MAP4K3: variants seen among roughly 807,000 people sequenced by gnomAD.
MAP4K3 encodes the protein MAPK/ERK kinase kinase kinase 3.
Under a neutral mutation model 143.5 loss-of-function variants are expected in MAP4K3, and 94 were observed. The observed-to-expected ratio is 0.65, with a 90% confidence interval of 0.55 to 0.78. The LOEUF is 0.78. MAP4K3 is among the 30% of genes least tolerant of loss of function. MAP4K3 has a pLI of 0.00. For missense variants in MAP4K3, 1,077 were observed against 1,068.1 expected (o/e 1.01, Z -0.12); for synonymous variants, 416 against 347.2 (o/e 1.20, Z -2.20).
intron 1 of MAP4K3, among the ~76,000 whole-genome samples, chr2:39,385,551 CATATATAT>C (rs140387430): frequency 0.011 from 1,223 of 111,182 alleles, 20 homozygotes; most frequent in Middle Eastern, 0.028. Flanking sequence ...GAGCGTTCTT[CATATATAT>C]ATATATATAT....
intron 27 of MAP4K3, 28 bp downstream of exon 27, chr2:39,267,161 G>C: frequency 1.9e-6 from 3 of 1,608,782 alleles, no homozygotes; most frequent in Non-Finnish European, 2.6e-6. Flanking sequence ...GTCTCAGAGA[G>C]CTATATGCTA....
chr2:39,321,932 G>A (rs953289550), intron 12 of MAP4K3, among the ~76,000 whole-genome samples: 10 of 152,164 alleles, frequency 6.6e-5, no homozygotes, highest in Non-Finnish European at 1.2e-4. Flanking sequence ...TCCCCCTCTC[G>A]GGGAAACACC....
At position 39,436,876 on chromosome 2, in the gene MAP4K3, C is replaced by T. The variant is rs367657460; in HGVS notation, c.96+16G>A. 25 of 1,584,932 alleles carry T rather than the reference C, an allele frequency of 1.6e-5. No homozygotes were observed. The highest frequency in any genetic ancestry group is 2.4e-5 in the East Asian group (1 of 42,454). On this transcript the variant is annotated intron_variant, in intron 1 of 33. Transcript: ENST00000263881. ...GGGATCCCACGGCCTCGGCGGCGCG[C>T]GGCCCCTGCCTTTACCTTGTAGACG...
rs1682778461 is a variant in MAP4K3 at position 39,307,990 on chromosome 2, A to C, written c.1072T>G (p.Phe358Val). Residue 358 changes from phenylalanine (F) to valine (V), a missense_variant, in exon 15 of 34, where the codon TTT (phenylalanine) becomes GTT (valine). Phe to Val is a conservative substitution (Grantham distance 50, BLOSUM62 -1). This residue lies in a region of MAP4K3 where 864 missense variants were observed against 801.2 expected (regional missense o/e 1.08). Transcript: ENST00000263881. ...TATATTTCTTCTGAACTGTCCAAAA[A>C]ACCATCACTGTCGGGCTGTTTAGCA... Reference protein sequence around the residue: ...PHHELPDSDGFLDSSEEIYYT... With the variant: ...PHHELPDSDGVLDSSEEIYYT... 1 of 1,600,016 alleles carries C rather than the reference A, an allele frequency of 6.2e-7. No homozygotes were observed. The highest frequency in any genetic ancestry group is 1.3e-5 in the African/African-American group (1 of 74,148).
At chr2:39,341,272 C>T (rs1447372970) in intron 4 of MAP4K3, among the ~76,000 whole-genome samples, 2 of 152,140 alleles carry the variant, frequency 1.3e-5, no homozygotes, top group African/African-American at 4.8e-5. Flanking sequence ...AAATACCTGT[C>T]AACCTAGAAA....
rs542555241 is a variant in MAP4K3, at chr2:39,285,344, A to G, written c.1587+1508T>C. On this transcript the variant is annotated intron_variant, in intron 21 of 33. Coordinates refer to ENST00000263881, the MANE Select transcript of MAP4K3 (RefSeq NM_003618.4). Reference sequence around the variant, plus strand: ...AACAGAAAAAGTGAACTAAAAATGCATACATAAAAAATGTTTACTTAGTAC... The same window carrying G: ...AACAGAAAAAGTGAACTAAAAATGCGTACATAAAAAATGTTTACTTAGTAC... Among the ~76,000 whole-genome samples, 9 of 152,344 alleles carry G rather than the reference A, an allele frequency of 5.9e-5. No individual in the cohort carries two copies. The East Asian group carries it at 1.7e-3, about 29-fold the overall frequency.
Position 39,317,131 on chromosome 2 carries a change from C to T in MAP4K3, c.919-1743G>A, listed in dbSNP as rs550841362. 1.5e-4 allele frequency among the ~76,000 whole-genome samples: 23 copies of T among 151,998 alleles called. No individual in the cohort carries two copies. The East Asian group carries it at 3.3e-3, about 22-fold the overall frequency. On this transcript the variant is annotated intron_variant, in intron 12 of 33. Transcript: ENST00000263881. ...CATACATCTACAACCATCTGATCTT[C>T]GACAAACCTGACAAAAAGAAGCAAT...
Position 39,387,677 on chromosome 2 carries a change from C to T in MAP4K3, c.97-9554G>A, listed in dbSNP as rs534635351. ...CAATGAAGAGACAATCAATAAAGAG[C>T]AAATAACCCAACAGATGGACAGAAA... is the stretch of plus-strand genomic sequence containing the variant. On this transcript the variant is annotated intron_variant, in intron 1 of 33. Transcript: ENST00000263881. 1.2e-4 allele frequency among the ~76,000 whole-genome samples: 18 copies of T among 152,228 alleles called. No individual in the cohort carries two copies. In the East Asian group the frequency reaches 3.5e-3, roughly 29 times the overall value.
In MAP4K3 at chr2:39,252,849, C is replaced by G. The variant is rs528744522; in HGVS notation, c.2542-964G>C. ...GCTCACTTCAATGCCTGTGGCTCATCATGACTGTGATTACCAATATATTTT... is the reference window on the plus strand; with the variant it reads ...GCTCACTTCAATGCCTGTGGCTCATGATGACTGTGATTACCAATATATTTT... On this transcript the variant is annotated intron_variant, in intron 32 of 33. Coordinates refer to ENST00000263881, the MANE Select transcript of MAP4K3 (RefSeq NM_003618.4). Among the ~76,000 whole-genome samples the G allele has an allele frequency of 7.2e-5, 11 of 152,346 alleles. No individual in the cohort carries two copies. In the East Asian group the frequency reaches 7.7e-4, roughly 11 times the overall value.
chr2:39,427,470 AAAC>A (rs1274690793), intron 1 of MAP4K3, among the ~76,000 whole-genome samples: 5 of 152,124 alleles, frequency 3.3e-5, no homozygotes, highest in African/African-American at 1.2e-4. Context: ...TGTCTGTATA[AAAC>A]AATAATAAAA....
intron 13 of MAP4K3, among the ~76,000 whole-genome samples, chr2:39,314,180 T>C (rs1322002057): frequency 6.6e-6 from 1 of 151,972 alleles, no homozygotes; most frequent in African/African-American, 2.4e-5. Context: ...CAGGTGCACA[T>C]CAACATGCCT....
intron 6 of MAP4K3, among the ~76,000 whole-genome samples, 174 bp downstream of exon 6, chr2:39,336,746 A>G (rs1664980233): frequency 6.6e-6 from 1 of 152,088 alleles, no homozygotes; most frequent in Non-Finnish European, 1.5e-5. Flanking sequence ...ATGGTATGTG[A>G]ATTGTGCCTC....
At position 39,355,303 on chromosome 2, in the gene MAP4K3, G is replaced by A. The variant is rs192781693; in HGVS notation, c.245+946C>T. 3.3e-3 allele frequency among the ~76,000 whole-genome samples: 486 copies of A among 147,740 alleles called. 2 individuals are homozygous for A. The highest frequency in any genetic ancestry group is 5.2e-3 in the Non-Finnish European group (349 of 67,112). Reference sequence around the variant, plus strand: ...TTGAACCCGGGAGGTGGAAGGTGCGGTGAGCCGAGATCACACCACTGCACT... The same window carrying A: ...TTGAACCCGGGAGGTGGAAGGTGCGATGAGCCGAGATCACACCACTGCACT... On this transcript the variant is annotated intron_variant, in intron 3 of 33. Coordinates refer to ENST00000263881, the MANE Select transcript of MAP4K3 (RefSeq NM_003618.4).
At chr2:39,362,644 T>C (rs1343379031) in intron 2 of MAP4K3, among the ~76,000 whole-genome samples, 1 of 152,202 alleles carries the variant, frequency 6.6e-6, no homozygotes, top group Non-Finnish European at 1.5e-5. Flanking sequence ...ACAAATTCAA[T>C]GTAATCTGGA....
At chr2:39,315,446 C>A in intron 12 of MAP4K3, 58 bp from the exon 13 acceptor site, 1 of 1,170,386 alleles carries the variant, frequency 8.5e-7, no homozygotes, top group Non-Finnish European at 1.2e-6. Context: ...ATAGTTTGGT[C>A]CACAAAATTA....
chr2:39,260,512 T>C lies in MAP4K3; in HGVS notation c.2308+94A>G, dbSNP rs1236027195. ...TAATAGTTATTGAAGACTGGCAGTATATGCAGTTTTTCCTTAGTAAGAGAT... is the reference window on the plus strand; with the variant it reads ...TAATAGTTATTGAAGACTGGCAGTACATGCAGTTTTTCCTTAGTAAGAGAT... On this transcript the variant is annotated intron_variant, in intron 29 of 33. Transcript: ENST00000263881. The C allele has an allele frequency of 4.4e-6, 4 of 910,100 alleles. No homozygotes were observed. The Admixed American group carries it at 7.6e-5, about 17-fold the overall frequency. The allele number at this position is 910,100 out of a possible 1,614,324, so 56.4% of individuals were successfully genotyped here.
chr2:39,397,435 CTT>C (rs896704290), intron 1 of MAP4K3, among the ~76,000 whole-genome samples: 5 of 152,124 alleles, frequency 3.3e-5, no homozygotes, highest in African/African-American at 1.2e-4. Context: ...AATGTGCAAA[CTT>C]AAAGAAAACT....
At chr2:39,276,392 C>A (rs778533709) in intron 24 of MAP4K3, among the ~76,000 whole-genome samples, 3 of 152,272 alleles carry the variant, frequency 2.0e-5, no homozygotes, top group Non-Finnish European at 4.4e-5. Context: ...AACGGTCATT[C>A]AATTCGGTCA....
At chr2:39,395,573 T>C (rs1353509877) in intron 1 of MAP4K3, among the ~76,000 whole-genome samples, 1 of 152,226 alleles carries the variant, frequency 6.6e-6, no homozygotes, top group East Asian at 1.9e-4. Flanking sequence ...TCTTCCTGCT[T>C]ACTGCTTTTG....
Sources: gnomAD v4.1 joint callset for allele counts (sites outside exome capture counted in the v4.1 genomes callset) on GRCh38, gnomAD v4.1.1 for gene constraint, gnomAD v4.1.1 regional missense constraint, MANE v1.5 for transcripts, NCBI Gene and HGNC (gene_info 2026-07-23, HGNC 2026-07-21) for gene names.